Variants in ERBIN observed in about 807,000 individuals in gnomAD.
ERBIN encodes the protein erbb2 interacting protein.
Under a neutral mutation model 158.4 loss-of-function variants are expected in ERBIN, and 60 were observed. That is an observed-to-expected ratio of 0.38 (90% confidence interval 0.31 to 0.47). The LOEUF is 0.47. ERBIN is among the 20% of genes least tolerant of loss of function. The pLI, the probability that ERBIN is intolerant of heterozygous loss-of-function variation, is 0.99. For missense variants in ERBIN, 1,610 were observed against 1,648.0 expected (o/e 0.98, Z 0.40); for synonymous variants, 594 against 557.2 (o/e 1.07, Z -0.93).
In ERBIN at chr5:66,008,692, C is replaced by T. The variant is rs148479896; in HGVS notation, c.308-3357C>T. On this transcript the variant is annotated intron_variant, in intron 4 of 25. Coordinates refer to ENST00000284037, the MANE Select transcript of ERBIN (RefSeq NM_001253697.2). ...AATAATATCTTTTACTTGGCTATTT[C>T]GAAATACTGTATAGATTTTAATAAC... Among the ~76,000 whole-genome samples the T allele has an allele frequency of 5.8e-4, 88 of 152,006 alleles. 1 individual carries two copies. The East Asian group carries it at 0.01, about 17-fold the overall frequency.
chr5:66,054,371 A>G lies in ERBIN; in HGVS notation c.3053A>G (p.Asn1018Ser). 6.2e-7 allele frequency: 1 copy of G among 1,614,192 alleles called. No homozygotes were observed. ...QLLPRSESTE[N>S]QSYAKHSANM... ...CTTCCTAGATCAGAGAGCACAGAAAATCAAAGTTATGCTAAACATTCTGCC... is the reference window on the plus strand; with the variant it reads ...CTTCCTAGATCAGAGAGCACAGAAAGTCAAAGTTATGCTAAACATTCTGCC... The change falls in exon 21 of 26, where the codon AAT becomes AGT. Residue 1018 changes from asparagine to serine, a missense_variant. By Grantham distance (46) the Asn-to-Ser change is conservative. Around this residue, in one of 2 missense-constraint regions of ERBIN, gnomAD observed 1,014 missense variants for 936.1 expected, o/e 1.08. Transcript: ENST00000284037.
chr5:65,961,054 G>C (rs1747851775), intron 1 of ERBIN: 1 of 152,048 alleles, frequency 6.6e-6, no homozygotes, highest in Non-Finnish European at 1.5e-5. Context: ...TCCATTAAAA[G>C]GGAAAAATTT....
intron 1 of ERBIN, among the ~76,000 whole-genome samples, chr5:65,950,802 T>C (rs566931882): frequency 8.5e-5 from 13 of 152,106 alleles, no homozygotes; most frequent in African/African-American, 2.4e-4. Flanking sequence ...TTTTTTTTTT[T>C]CCTGTAGGAT....
At position 65,966,790 on chromosome 5, in the gene ERBIN, C is replaced by G. The variant is rs185535888; in HGVS notation, c.-57-21845C>G. The stretch of plus-strand genomic sequence containing the variant: ...ATTGTTATCATAGGAGATGACAGTT[C>G]CGGTTGTGTTGTTGCCCCTGAAGAC... On this transcript the variant is annotated intron_variant, in intron 1 of 25. Transcript: ENST00000284037. Among the ~76,000 whole-genome samples, 20 of 151,000 alleles carry G rather than the reference C, an allele frequency of 1.3e-4. No individual in the cohort carries two copies. The East Asian group carries it at 3.9e-3, about 29-fold the overall frequency.
intron 1 of ERBIN, among the ~76,000 whole-genome samples, chr5:65,931,998 T>C (rs1203771745): frequency 6.6e-6 from 1 of 151,940 alleles, no homozygotes; most frequent in African/African-American, 2.4e-5. Context: ...TTGTATTTTT[T>C]GTAGAGACAG....
chr5:66,076,479 T>A, intron 24 of ERBIN, 71 bp downstream of exon 24: 1 of 1,147,040 alleles, frequency 8.7e-7, no homozygotes, highest in Non-Finnish European at 1.3e-6. Context: ...TAAATGTAAG[T>A]GAAAATCTAA....
rs774967294 is a variant in ERBIN, at chr5:66,054,545, G to T, written c.3227G>T (p.Arg1076Leu). ...IPAVTRSTIQ[R>L]QSSVSSTASV... Reference sequence around the variant, plus strand: ...GCAGTAACTCGAAGTACAATCCAGCGACAAAGTAGTGTGTCCTCCACAGCC... The same window carrying T: ...GCAGTAACTCGAAGTACAATCCAGCTACAAAGTAGTGTGTCCTCCACAGCC... Residue 1076 changes from arginine (R) to leucine (L), a missense_variant, in exon 21 of 26, where the codon CGA becomes CTA. By Grantham distance (102) the Arg-to-Leu change is moderately radical (BLOSUM62 -2). Coordinates refer to ENST00000284037, the MANE Select transcript of ERBIN (RefSeq NM_001253697.2). The T allele has an allele frequency of 5.0e-6, 8 of 1,613,984 alleles. No individual in the cohort carries two copies. Among genetic ancestry groups the T allele is most frequent in the Non-Finnish European group, 5.9e-6 (7 of 1,180,020 alleles).
intron 21 of ERBIN, among the ~76,000 whole-genome samples, chr5:66,064,480 T>TTAGGCACA (rs1296105837): frequency 2.0e-5 from 3 of 152,156 alleles, no homozygotes; most frequent in African/African-American, 7.2e-5. Context: ...ATAAGGAAAT[T>TTAGGCACA]TAGGCACAGA....
chr5:65,966,201 T>G (rs553786346), intron 1 of ERBIN, among the ~76,000 whole-genome samples: 3 of 152,320 alleles, frequency 2.0e-5, no homozygotes, highest in African/African-American at 7.2e-5. Flanking sequence ...AATTTTAAAG[T>G]GTATTACATG....
At chr5:66,007,372 C>T (rs984733887) in intron 4 of ERBIN, among the ~76,000 whole-genome samples, 10 of 151,436 alleles carry the variant, frequency 6.6e-5, no homozygotes, top group Non-Finnish European at 1.2e-4. Flanking sequence ...GGGAACATCA[C>T]ACACCAGGGC....
At chr5:66,007,173 A>G (rs575320762) in intron 4 of ERBIN, among the ~76,000 whole-genome samples, 3 of 151,214 alleles carry the variant, frequency 2.0e-5, no homozygotes, top group African/African-American at 7.2e-5. Context: ...GATTAAGAAA[A>G]TGTGGCACAT....
intron 17 of ERBIN, 31 bp from the exon 18 acceptor site, chr5:66,046,322 A>G: frequency 7.7e-7 from 1 of 1,301,264 alleles, no homozygotes; most frequent in Non-Finnish European, 1.0e-6. Flanking sequence ...AACTTAAAGA[A>G]TATGAGCTCT....
At chr5:65,933,762 A>G (rs1743733993) in intron 1 of ERBIN, among the ~76,000 whole-genome samples, 3 of 152,126 alleles carry the variant, frequency 2.0e-5, no homozygotes, top group South Asian at 4.1e-4. Context: ...TACCCCTCCC[A>G]GGTTTTCAGC....
At chr5:66,034,368 CA>C (rs1333215062) in intron 14 of ERBIN, among the ~76,000 whole-genome samples, 1 of 151,830 alleles carries the variant, frequency 6.6e-6, no homozygotes, top group African/African-American at 2.4e-5. Flanking sequence ...TGGCTCTCTG[CA>C]ACCTCTGCCT....
chr5:66,046,912 G>A (rs1758500530), intron 18 of ERBIN, among the ~76,000 whole-genome samples: 1 of 152,000 alleles, frequency 6.6e-6, no homozygotes, highest in South Asian at 2.1e-4. Flanking sequence ...TTTTAGATGT[G>A]GAGTTTCTTC....
chr5:65,941,173 A>G (rs1744963950), intron 1 of ERBIN, among the ~76,000 whole-genome samples: 1 of 152,130 alleles, frequency 6.6e-6, no homozygotes, highest in South Asian at 2.1e-4. Flanking sequence ...AGGGACACAA[A>G]CACTGTGGAA....
At chr5:65,963,810 G>C (rs1210850247) in intron 1 of ERBIN, among the ~76,000 whole-genome samples, 2 of 133,064 alleles carry the variant, frequency 1.5e-5, no homozygotes, top group Admixed American at 1.6e-4. Flanking sequence ...TTTTTTTTGA[G>C]ATGGAGTCTC....
chr5:65,982,098 CAAAG>C (rs1423257168), intron 1 of ERBIN, among the ~76,000 whole-genome samples: 1 of 152,148 alleles, frequency 6.6e-6, no homozygotes, highest in Admixed American at 6.5e-5. Context: ...AGATTAGAGA[CAAAG>C]AGAGATTATT....
chr5:65,949,006 C>T (rs1304770427), intron 1 of ERBIN, among the ~76,000 whole-genome samples: 1 of 152,086 alleles, frequency 6.6e-6, no homozygotes, highest in Non-Finnish European at 1.5e-5. Flanking sequence ...TCAGGTGATC[C>T]ATCCGCCTTG....
Sources: allele counts gnomAD v4.1 joint callset (sites outside exome capture counted in the v4.1 genomes callset), GRCh38; gene constraint gnomAD v4.1.1; regional missense constraint gnomAD v4.1.1; transcripts MANE v1.5; gene names NCBI Gene and HGNC (gene_info 2026-07-23, HGNC 2026-07-21).